CPS1: variants seen among roughly 807,000 people sequenced by gnomAD.
CPS1 encodes carbamoyl-phosphate synthase 1.
In CPS1, 109 loss-of-function variants were observed where a neutral mutation model predicts 174.6. That is an observed-to-expected ratio of 0.62 (90% CI 0.53 to 0.73). The LOEUF is 0.73. Among genes scored for constraint, CPS1 ranks in the 30% least tolerant of loss-of-function variants. The pLI is 0.00. For missense variants in CPS1, 1,689 were observed against 1,821.9 expected (o/e 0.93, Z 1.33); for synonymous variants, 637 against 632.0 (o/e 1.01, Z -0.12).
chr2:210,573,197 A>T, intron 1 of CPS1, 101 bp from the exon 2 acceptor site: 1 of 1,016,180 alleles, frequency 9.8e-7, no homozygotes, highest in Non-Finnish European at 1.6e-6. Flanking sequence ...CATTAAATAT[A>T]CTGTGCCTTT....
intron 19 of CPS1, among the ~76,000 whole-genome samples, chr2:210,611,109 A>G (rs960538311): frequency 2.0e-5 from 3 of 151,960 alleles, no homozygotes; most frequent in Non-Finnish European, 4.4e-5. Context: ...TGCAAATTGC[A>G]TATCTGAATT....
intron 1 of CPS1, among the ~76,000 whole-genome samples, chr2:210,543,455 A>G (rs537188453): frequency 2.6e-5 from 4 of 151,978 alleles, no homozygotes; most frequent in African/African-American, 7.2e-5. Flanking sequence ...GCCTTCACAT[A>G]TGATGTTCCT....
At chr2:210,592,737 A>G in intron 10 of CPS1, 142 bp from the exon 11 acceptor site, 1 of 751,490 alleles carries the variant, frequency 1.3e-6, no homozygotes, top group Non-Finnish European at 2.4e-6. Context: ...ATGTTACTTA[A>G]TAGTACTGTT....
intron 1 of CPS1, among the ~76,000 whole-genome samples, chr2:210,512,719 C>T (rs1173138731): frequency 9.0e-6 from 1 of 111,664 alleles, no homozygotes; most frequent in African/African-American, 3.3e-5. Context: ...TGGATACATA[C>T]ATATCCTCCA....
At chr2:210,551,831 C>G (rs1432463808), upstream of CPS1, among the ~76,000 whole-genome samples, 5 of 151,976 alleles carry the variant, frequency 3.3e-5, no homozygotes, top group African/African-American at 1.2e-4. Flanking sequence ...TTTGAACCCT[C>G]ATCATCTAAC....
rs763961983 is a variant in CPS1 at position 210,656,546 on chromosome 2, G to C, written c.3580G>C (p.Glu1194Gln). 6.3e-7 allele frequency: 1 copy of C among 1,593,830 alleles called. No individual in the cohort carries two copies. The highest frequency in any genetic ancestry group is 1.7e-5 in the Admixed American group (1 of 57,290). Residue 1194 changes from glutamate to glutamine, a missense_variant, in exon 30 of 38, where the codon GAA becomes CAA. Transcript: ENST00000233072. Reference protein sequence around the residue: ...DGRVISHAISEHVEDAGVHSG... With the variant: ...DGRVISHAISQHVEDAGVHSG... ...CCAGGTTATCTCTCATGCCATCTCT[G>C]AACATGTTGAAGATGCAGGTGTCCA...
At chr2:210,550,582 A>G (rs1432750571) in intron 1 of CPS1, among the ~76,000 whole-genome samples, 3 of 152,022 alleles carry the variant, frequency 2.0e-5, no homozygotes, top group African/African-American at 7.2e-5. Context: ...TCAGGGGATC[A>G]ACAAGTGGCA....
At chr2:210,542,393 C>G (rs560865091) in intron 1 of CPS1, among the ~76,000 whole-genome samples, 1 of 152,236 alleles carries the variant, frequency 6.6e-6, no homozygotes, top group Non-Finnish European at 1.5e-5. Flanking sequence ...CTCCAACCTT[C>G]AATTGAAAAG....
chr2:210,530,499 T>C (rs536955984), intron 1 of CPS1, among the ~76,000 whole-genome samples: 468 of 152,222 alleles, frequency 3.1e-3, no homozygotes, highest in Non-Finnish European at 4.1e-3. Flanking sequence ...TACATAAGAT[T>C]CTTTTGGTTC....
chr2:210,662,211 A>G (rs1700947573), intron 32 of CPS1, among the ~76,000 whole-genome samples: 1 of 152,116 alleles, frequency 6.6e-6, no homozygotes, highest in Admixed American at 6.6e-5. Flanking sequence ...TGCATTTTTT[A>G]AATGCACTGT....
At chr2:210,512,835 T>G (rs1695541314) in intron 1 of CPS1, among the ~76,000 whole-genome samples, 1 of 104,448 alleles carries the variant, frequency 9.6e-6, no homozygotes, top group Non-Finnish European at 1.8e-5. Context: ...TATATGGAGA[T>G]ATACATATAT....
chr2:210,582,578 T>C (rs1697958910), intron 5 of CPS1, 39 bp from the exon 6 acceptor site: 1 of 1,485,982 alleles, frequency 6.7e-7, no homozygotes, highest in East Asian at 2.3e-5. Flanking sequence ...ACCTTTATCG[T>C]TGCTTCCTTT....
At chr2:210,525,336 TCTTTTAAGAACAGGGCAAA>T (rs1367095445) in intron 1 of CPS1, among the ~76,000 whole-genome samples, 1 of 151,980 alleles carries the variant, frequency 6.6e-6, no homozygotes. Flanking sequence ...GACTATGCTG[TCTTTTAAGAACAGGGCAAA>T]CTATCATGTT....
chr2:210,510,804 A>C (rs1261749056), intron 1 of CPS1, among the ~76,000 whole-genome samples: 1 of 152,254 alleles, frequency 6.6e-6, no homozygotes, highest in South Asian at 2.1e-4. Context: ...TGGCCATCAG[A>C]GAAATGCAAA....
chr2:210,594,381 C>T, intron 11 of CPS1, 127 bp from the exon 12 acceptor site: 2 of 687,972 alleles, frequency 2.9e-6, no homozygotes, highest in Non-Finnish European at 5.0e-6. Flanking sequence ...GCAAAAAAAG[C>T]TGAAATGCTA....
chr2:210,607,655 A>T (rs1042517416), intron 18 of CPS1, among the ~76,000 whole-genome samples: 1 of 151,784 alleles, frequency 6.6e-6, no homozygotes, highest in African/African-American at 2.4e-5. Context: ...CTGCATTCTC[A>T]CTTGGTTCTT....
At chr2:210,506,044 C>T (rs1363734237) in intron 1 of CPS1, among the ~76,000 whole-genome samples, 1 of 152,166 alleles carries the variant, frequency 6.6e-6, no homozygotes, top group African/African-American at 2.4e-5. Flanking sequence ...AGTAGTGGTT[C>T]TCCCAGCATG....
intron 22 of CPS1, 127 bp downstream of exon 22, chr2:210,637,970 G>A (rs958637161): frequency 4.0e-5 from 42 of 1,057,396 alleles, no homozygotes; most frequent in South Asian, 9.2e-5. Flanking sequence ...ATACTCATCC[G>A]GTTGATGCTC....
upstream of CPS1, among the ~76,000 whole-genome samples, chr2:210,554,256 C>T (rs1186029790): frequency 1.4e-5 from 2 of 138,796 alleles, no homozygotes; most frequent in African/African-American, 2.6e-5. Context: ...TATACACACA[C>T]ATATATATAT....
Sources: gnomAD v4.1 joint callset for allele counts (sites outside exome capture counted in the v4.1 genomes callset) on GRCh38, gnomAD v4.1.1 for gene constraint, MANE v1.5 for transcripts, NCBI Gene and HGNC (gene_info 2026-07-23, HGNC 2026-07-21) for gene names.